The following NCAM1 variants were observed in gnomAD, a reference collection of about 807,000 sequenced individuals.
The protein encoded by NCAM1 is neural cell adhesion molecule 1, also known as antigen recognized by monoclonal antibody 5.1H11.
In NCAM1, 14 loss-of-function variants were observed where a neutral mutation model predicts 109.8. The ratio of observed to expected loss-of-function variants is 0.13; its 90% CI spans 0.08 to 0.20. The LOEUF (loss-of-function observed/expected upper bound fraction) is 0.20. Among genes scored for constraint, NCAM1 ranks in the 10% least tolerant of loss-of-function variants. NCAM1 has a pLI of 1.00. For missense variants in NCAM1, 774 were observed against 1,109.9 expected (o/e 0.70, Z 4.30); for synonymous variants, 418 against 442.9 (o/e 0.94, Z 0.70).
intron 17 of NCAM1, chr11:113,263,339 A>T (rs1555123757): frequency 1.0e-6 from 1 of 1,001,356 alleles, no homozygotes; most frequent in Non-Finnish European, 1.2e-6. Flanking sequence ...ATCACCACAC[A>T]TTCCCCTCAT....
rs782257091 is a variant in NCAM1 at position 113,246,202 on chromosome 11, G to A, written c.1826-166G>A. 521 of 545,094 alleles carry A rather than the reference G, an allele frequency of 9.6e-4. 3 individuals are homozygous for A. Among genetic ancestry groups the A allele is most frequent in the South Asian group, 1.3e-3 (48 of 35,608 alleles). The allele number at this position is 545,094 out of a possible 1,614,324, so 33.8% of individuals were successfully genotyped here. On this transcript the variant is annotated intron_variant, in intron 14 of 19. Coordinates refer to ENST00000316851, the MANE Select transcript of NCAM1 (RefSeq NM_181351.5). Reference sequence around the variant, plus strand: ...CTTTTATTTAGTCTGTGATTTTGTTGTTGATTTTTCTCCCTGCCCATTGTT... The same window carrying A: ...CTTTTATTTAGTCTGTGATTTTGTTATTGATTTTTCTCCCTGCCCATTGTT...
At chr11:113,004,903 G>C (rs555502906) in intron 1 of NCAM1, among the ~76,000 whole-genome samples, 1 of 150,952 alleles carries the variant, frequency 6.6e-6, no homozygotes, top group Non-Finnish European at 1.5e-5. Context: ...CTTCTGGATT[G>C]AGCTTCTGAT....
At chr11:112,972,521 T>C (rs913900152) in intron 1 of NCAM1, among the ~76,000 whole-genome samples, 2 of 152,070 alleles carry the variant, frequency 1.3e-5, no homozygotes, top group South Asian at 2.1e-4. Context: ...AAACAAATAA[T>C]ATATATAGGT....
chr11:113,055,161 A>G (rs1953648908), intron 1 of NCAM1, among the ~76,000 whole-genome samples: 1 of 152,214 alleles, frequency 6.6e-6, no homozygotes, highest in Admixed American at 6.5e-5. Context: ...GGAAAATTTG[A>G]ACACCTTTCA....
chr11:113,221,331 G>A lies in NCAM1; in HGVS notation c.1089+6G>A, dbSNP rs1555115271. The A allele has an allele frequency of 9.6e-6, 15 of 1,567,768 alleles. No individual in the cohort carries two copies. Among genetic ancestry groups the A allele is most frequent in the South Asian group, 1.2e-5 (1 of 85,200 alleles). On this transcript the variant is annotated splice_donor_region_variant and intron_variant, in intron 9 of 19. Transcript: ENST00000316851. ...CTCGACCAGAGAAGCAAGAGGTATA[G>A]CTTACCTGACCACTAGCCAGTCTTT...
At chr11:113,258,515 CAA>C (rs781890913) in intron 16 of NCAM1, among the ~76,000 whole-genome samples, 10 of 152,036 alleles carry the variant, frequency 6.6e-5, no homozygotes, top group African/African-American at 2.2e-4. Flanking sequence ...GAGGAGAAGA[CAA>C]AGAGAGATTG....
At chr11:113,072,484 T>TAG (rs1555085433) in intron 1 of NCAM1, among the ~76,000 whole-genome samples, 1 of 151,966 alleles carries the variant, frequency 6.6e-6, no homozygotes, top group Non-Finnish European at 1.5e-5. Flanking sequence ...TTGGGATAAC[T>TAG]AGAGAGAGAA....
At chr11:113,102,722 C>G (rs923712343) in intron 1 of NCAM1, among the ~76,000 whole-genome samples, 31 of 152,174 alleles carry the variant, frequency 2.0e-4, no homozygotes, top group Admixed American at 1.2e-3. Context: ...GACCATTATT[C>G]TACTATTGCA....
chr11:113,115,558 G>A (rs1384998740), intron 1 of NCAM1, among the ~76,000 whole-genome samples: 12 of 152,202 alleles, frequency 7.9e-5, no homozygotes, highest in Admixed American at 6.5e-4. Context: ...GGGACACGGT[G>A]ACCAGAAAGT....
chr11:113,235,437 C>T (rs1555118107), intron 14 of NCAM1: 1 of 707,668 alleles, frequency 1.4e-6, no homozygotes, highest in Non-Finnish European at 2.5e-6. Flanking sequence ...GGCACCAACA[C>T]ATTATTAAAG....
intron 12 of NCAM1, among the ~76,000 whole-genome samples, 153 bp from the exon 13 acceptor site, chr11:113,232,994 G>C (rs2137250761): frequency 6.6e-6 from 1 of 152,318 alleles, no homozygotes; most frequent in South Asian, 2.1e-4. Flanking sequence ...TGTTGGGGGA[G>C]AAGCATCTGG....
rs556453120 is a variant in NCAM1, at chr11:113,214,011, A to G, written c.917-358A>G. Among the ~76,000 whole-genome samples, 8 of 152,220 alleles carry G rather than the reference A, an allele frequency of 5.3e-5. No homozygotes were observed. The South Asian group carries it at 1.5e-3, about 28-fold the overall frequency. On this transcript the variant is annotated intron_variant, in intron 7 of 19. Coordinates refer to ENST00000316851, the MANE Select transcript of NCAM1 (RefSeq NM_181351.5). ...TATTCAGTCAGTTTCCTACACTTCAAATGACTCCATCTCCACCCTAGAGTT... is the reference window on the plus strand; with the variant it reads ...TATTCAGTCAGTTTCCTACACTTCAGATGACTCCATCTCCACCCTAGAGTT...
At chr11:113,034,368 C>G (rs1952802375) in intron 1 of NCAM1, among the ~76,000 whole-genome samples, 1 of 151,918 alleles carries the variant, frequency 6.6e-6, no homozygotes, top group South Asian at 2.1e-4. Flanking sequence ...GTAGAGTATT[C>G]AAGATATAAA....
intron 1 of NCAM1, among the ~76,000 whole-genome samples, chr11:113,178,216 G>A (rs942101677): frequency 6.6e-6 from 1 of 152,168 alleles, no homozygotes; most frequent in East Asian, 1.9e-4. Context: ...AAGTGAACCT[G>A]AGAGCAGAAG....
intron 1 of NCAM1, among the ~76,000 whole-genome samples, chr11:113,000,927 GT>G (rs1259672036): frequency 6.6e-6 from 1 of 151,022 alleles, no homozygotes; most frequent in Non-Finnish European, 1.5e-5. Context: ...ATATAGCCAT[GT>G]CTTTCTCTAC....
intron 14 of NCAM1, chr11:113,240,913 T>C: frequency 7.3e-7 from 1 of 1,369,102 alleles, no homozygotes; most frequent in Non-Finnish European, 1.0e-6. Context: ...TGTTATCTCC[T>C]TCACCAGGTG....
intron 16 of NCAM1, among the ~76,000 whole-genome samples, chr11:113,257,296 T>C (rs1203019041): frequency 6.6e-6 from 1 of 152,148 alleles, no homozygotes; most frequent in Non-Finnish European, 1.5e-5. Context: ...AGAACATAGG[T>C]TTTAGAGCCA....
intron 1 of NCAM1, among the ~76,000 whole-genome samples, chr11:113,076,072 G>T (rs1028016782): frequency 2.1e-4 from 32 of 152,204 alleles, no homozygotes; most frequent in African/African-American, 7.0e-4. Context: ...TTGGGCAAAG[G>T]TTCCCAATCC....
In NCAM1 at chr11:113,230,083, T is replaced by TA. The variant is rs569839034; in HGVS notation, c.1090-1551dup. On this transcript the variant is annotated intron_variant, in intron 9 of 19. Transcript: ENST00000316851. ...TGTACCCTAAAACTTAAAGTATAAT[T>TA]AAAAAAAAAAAGAAAAAGAAAAGAA... is the stretch of plus-strand genomic sequence containing the variant. Among the ~76,000 whole-genome samples, 272 of 144,752 alleles carry TA rather than the reference T, an allele frequency of 1.9e-3. 2 individuals carry two copies. The Middle Eastern group carries it at 0.021, about 11-fold the overall frequency. The allele number at this position is 144,752 out of a possible 152,430, so 95.0% of individuals were successfully genotyped here.
Sources: allele counts gnomAD v4.1 joint callset (sites outside exome capture counted in the v4.1 genomes callset), GRCh38; gene constraint gnomAD v4.1.1; transcripts MANE v1.5; gene names NCBI Gene and HGNC (gene_info 2026-07-23, HGNC 2026-07-21).